Variants in ADCY1 observed in about 807,000 individuals in gnomAD.
ADCY1 encodes adenylate cyclase type 1.
ADCY1 carries 28 observed loss-of-function variants against 105.4 expected under a neutral mutation model. That is an observed-to-expected ratio of 0.27 (90% CI 0.20 to 0.36). The LOEUF is 0.36. Ranked by LOEUF, ADCY1 falls within the 10% of genes least tolerant of loss-of-function variation. ADCY1 has a pLI of 1.00. For synonymous variants in ADCY1, 655 were observed against 623.8 expected (o/e 1.05, Z -0.75); for missense variants, 977 against 1,434.2 (o/e 0.68, Z 5.15).
intron 6 of ADCY1, 34 bp downstream of exon 6, chr7:45,657,919 G>A: frequency 6.8e-7 from 1 of 1,470,500 alleles, no homozygotes; most frequent in Non-Finnish European, 9.3e-7. Context: ...GGGGAGGGAG[G>A]TGGGTGATGG....
intron 19 of ADCY1, among the ~76,000 whole-genome samples, chr7:45,713,486 CTG>C (rs1000123242): frequency 6.6e-6 from 1 of 152,250 alleles, no homozygotes; most frequent in African/African-American, 2.4e-5. Flanking sequence ...CTTTGCAGGG[CTG>C]TGTCTTTTTT....
chr7:45,580,165 G>A (rs779095183), intron 1 of ADCY1, among the ~76,000 whole-genome samples: 29 of 152,178 alleles, frequency 1.9e-4, no homozygotes, highest in African/African-American at 4.6e-4. Context: ...CCTGGGCATC[G>A]GGCCAGGGGC....
At chr7:45,598,380 G>T (rs550206333) in intron 2 of ADCY1, among the ~76,000 whole-genome samples, 3 of 152,288 alleles carry the variant, frequency 2.0e-5, no homozygotes, top group East Asian at 1.9e-4. Flanking sequence ...GGGTGTGAAG[G>T]TTCTTTTAAC....
At chr7:45,649,048 A>T (rs1186097200) in intron 5 of ADCY1, among the ~76,000 whole-genome samples, 1 of 152,208 alleles carries the variant, frequency 6.6e-6, no homozygotes, top group African/African-American at 2.4e-5. Flanking sequence ...GTCCACAGGA[A>T]TCCTGCATAT....
intron 3 of ADCY1, among the ~76,000 whole-genome samples, chr7:45,615,025 G>A (rs1793699658): frequency 6.6e-6 from 1 of 152,104 alleles, no homozygotes; most frequent in Non-Finnish European, 1.5e-5. Flanking sequence ...AGACTAAATA[G>A]ACCTAACAGA....
At chr7:45,662,724 G>A (rs770763513) in intron 8 of ADCY1, among the ~76,000 whole-genome samples, 2 of 152,146 alleles carry the variant, frequency 1.3e-5, no homozygotes, top group Admixed American at 1.3e-4. Flanking sequence ...CAGCCAGGAC[G>A]TCCAGACGAG....
intron 2 of ADCY1, among the ~76,000 whole-genome samples, chr7:45,598,374 G>A (rs1013196902): frequency 1.3e-5 from 2 of 152,198 alleles, no homozygotes; most frequent in African/African-American, 4.8e-5. Flanking sequence ...CCAAAGGGGT[G>A]TGAAGGTTCT....
chr7:45,706,195 A>T (rs1157947411), intron 17 of ADCY1, among the ~76,000 whole-genome samples: 2 of 152,186 alleles, frequency 1.3e-5, no homozygotes, highest in African/African-American at 2.4e-5. Flanking sequence ...TGACAAAATG[A>T]TCCTAAGTTT....
At position 45,575,264 on chromosome 7, in the gene ADCY1, T is replaced by G; in HGVS notation, c.639+82T>G. 1 of 1,482,488 alleles carries G rather than the reference T, an allele frequency of 6.7e-7. No individual in the cohort carries two copies. 91.8% of individuals were successfully genotyped at this position (1,482,488 alleles called of 1,614,324 possible). ...TGGGAATGCCCGGAGTCGGGCGCGCTTTTTCCTATGCGGCGGGTGGGGACA... is the reference window on the plus strand; with the variant it reads ...TGGGAATGCCCGGAGTCGGGCGCGCGTTTTCCTATGCGGCGGGTGGGGACA... On this transcript the variant is annotated intron_variant, in intron 1 of 19. Coordinates refer to ENST00000297323, the MANE Select transcript of ADCY1 (RefSeq NM_021116.4). This position sits in a 1 kb window ranked among gnomAD's most constrained non-coding sequence, Gnocchi z 4.7.
rs1785431100 is a variant in ADCY1, at chr7:45,719,663, CGT to C, written c.*5675_*5676del. ...TACATGTGTGAACACGTGTTTCTGT[CGT>C]GTGTGTCATGCACATCTGTGTGTTG... On this transcript the variant is annotated 3_prime_UTR_variant, in exon 20 of 20. Coordinates refer to ENST00000297323, the MANE Select transcript of ADCY1 (RefSeq NM_021116.4). 6.6e-6 allele frequency: 1 copy of C among 152,030 alleles called. No homozygotes were observed. Among genetic ancestry groups the C allele is most frequent in the Non-Finnish European group, 1.5e-5 (1 of 68,006 alleles). 9.4% of individuals were successfully genotyped at this position (152,030 alleles called of 1,614,324 possible).
At chr7:45,650,503 G>C (rs1275772067) in intron 5 of ADCY1, among the ~76,000 whole-genome samples, 1 of 152,082 alleles carries the variant, frequency 6.6e-6, no homozygotes, top group African/African-American at 2.4e-5. Context: ...GCCCCCACTC[G>C]GTGCTGAGCA....
In ADCY1 at chr7:45,591,372, T is replaced by C. The variant is rs1401105841; in HGVS notation, c.640-1387T>C. Among the ~76,000 whole-genome samples the C allele has an allele frequency of 2.0e-5, 3 of 152,212 alleles. No homozygotes were observed. Among genetic ancestry groups the C allele is most frequent in the Non-Finnish European group, 4.4e-5 (3 of 68,038 alleles). On this transcript the variant is annotated intron_variant, in intron 1 of 19. Transcript: ENST00000297323. This position sits in a 1 kb window ranked among gnomAD's most constrained non-coding sequence, Gnocchi z 4.1. ...ATCTGTCCCGTCTCATGGGTCTACC[T>C]CCTGGACTCGCTTGGTCCCCGTCAG...
At chr7:45,688,005 G>A (rs2116216233) in intron 14 of ADCY1, among the ~76,000 whole-genome samples, 1 of 152,370 alleles carries the variant, frequency 6.6e-6, no homozygotes, top group Non-Finnish European at 1.5e-5. Flanking sequence ...AGAGCTCACT[G>A]TGGAAGCAGG....
intron 14 of ADCY1, among the ~76,000 whole-genome samples, chr7:45,702,541 A>T (rs552990323): frequency 6.6e-6 from 1 of 152,054 alleles, no homozygotes; most frequent in African/African-American, 2.4e-5. Flanking sequence ...CCCAAGCTTC[A>T]CTCCTTTCAG....
At position 45,714,899 on chromosome 7, in the gene ADCY1, C is replaced by T. The variant is rs1440658730; in HGVS notation, c.*904C>T. 1.3e-5 allele frequency: 2 copies of T among 152,262 alleles called. No individual in the cohort carries two copies. The highest frequency in any genetic ancestry group is 2.9e-5 in the Non-Finnish European group (2 of 68,056). 9.4% of individuals were successfully genotyped at this position (152,262 alleles called of 1,614,324 possible). A position where few individuals can be genotyped will look rare whatever the true frequency, so the allele number is the denominator to read the frequency against. On this transcript the variant is annotated 3_prime_UTR_variant, in exon 20 of 20. Coordinates refer to ENST00000297323, the MANE Select transcript of ADCY1 (RefSeq NM_021116.4). The stretch of plus-strand genomic sequence containing the variant: ...TCTTTTCCCTGTGGCATCGTGGATC[C>T]TTTACATTTAGCAACAACAGTGTGA...
intron 17 of ADCY1, among the ~76,000 whole-genome samples, chr7:45,706,613 C>T (rs1195728435): frequency 6.7e-6 from 1 of 149,842 alleles, no homozygotes; most frequent in East Asian, 2.0e-4. Flanking sequence ...TAGAAGATAA[C>T]ATAGAAGAAA....
At position 45,650,336 on chromosome 7, in the gene ADCY1, A is replaced by G. The variant is rs1794778023; in HGVS notation, c.1148+1539A>G. On this transcript the variant is annotated intron_variant, in intron 5 of 19. Transcript: ENST00000297323. ...ATCACATTATGTCATAAATGACATT[A>G]TATCACATCACATATCATATGCTAT... 2.0e-5 allele frequency among the ~76,000 whole-genome samples: 3 copies of G among 152,212 alleles called. No homozygotes were observed. The South Asian group carries it at 6.2e-4, about 31-fold the overall frequency.
Position 45,637,720 on chromosome 7 carries a change from A to G in ADCY1, c.1021-10950A>G, listed in dbSNP as rs114091254. On this transcript the variant is annotated intron_variant, in intron 4 of 19. Coordinates refer to ENST00000297323, the MANE Select transcript of ADCY1 (RefSeq NM_021116.4). The stretch of plus-strand genomic sequence containing the variant: ...AGCCTAGGTGATAGATTGAGACCCT[A>G]TGTGTGAAAAGATAAATAAAAGAAT... Among the ~76,000 whole-genome samples the G allele has an allele frequency of 2.7e-3, 407 of 152,308 alleles. 1 individual carries two copies. Among genetic ancestry groups the G allele is most frequent in the African/African-American group, 9.2e-3 (381 of 41,566 alleles).
intron 4 of ADCY1, among the ~76,000 whole-genome samples, chr7:45,625,040 G>C (rs138820659): frequency 1.1e-4 from 17 of 152,274 alleles, no homozygotes; most frequent in African/African-American, 4.1e-4. Flanking sequence ...CAGTTGCTTT[G>C]CAGTTTCTTC....
Sources: gnomAD v4.1 joint callset for allele counts (sites outside exome capture counted in the v4.1 genomes callset) on GRCh38, gnomAD v4.1.1 for gene constraint, Gnocchi (gnomAD v3.1) non-coding constraint, MANE v1.5 for transcripts, NCBI Gene and HGNC (gene_info 2026-07-23, HGNC 2026-07-21) for gene names.